Variants in CEP57 observed in about 807,000 individuals in gnomAD.
CEP57 encodes centrosomal protein 57, also known as centrosomal protein of 57 kDa.
A neutral mutation model predicts 68.0 loss-of-function variants in CEP57; 40 were observed. The observed-to-expected ratio is 0.59, with a 90% CI of 0.46 to 0.77. The LOEUF is 0.77. CEP57 is among the 30% of genes least tolerant of loss of function. The pLI, the probability that CEP57 is intolerant of heterozygous loss-of-function variation, is 0.00. For synonymous variants in CEP57, 219 were observed against 198.7 expected (o/e 1.10, Z -0.86); for missense variants, 606 against 580.7 (o/e 1.04, Z -0.45).
At chr11:95,806,582 C>G (rs888097574) in intron 2 of CEP57, among the ~76,000 whole-genome samples, 1 of 150,974 alleles carries the variant, frequency 6.6e-6, no homozygotes, top group African/African-American at 2.5e-5. Context: ...ATATCCTGTT[C>G]CTGGCTCTGA....
At chr11:95,791,948 A>G (rs1449752740) in intron 1 of CEP57, among the ~76,000 whole-genome samples, 1 of 152,190 alleles carries the variant, frequency 6.6e-6, no homozygotes, top group Non-Finnish European at 1.5e-5. Context: ...GGAAGGAACT[A>G]GAAGAGTATC....
At chr11:95,819,141 A>G (rs1163529167) in intron 6 of CEP57, among the ~76,000 whole-genome samples, 1 of 152,158 alleles carries the variant, frequency 6.6e-6, no homozygotes, top group Non-Finnish European at 1.5e-5. Flanking sequence ...ATTTTAAAAA[A>G]TAACAGACTA....
At chr11:95,815,502 A>C (rs1344023844) in intron 4 of CEP57, among the ~76,000 whole-genome samples, 1 of 141,526 alleles carries the variant, frequency 7.1e-6, no homozygotes, top group Non-Finnish European at 1.6e-5. Flanking sequence ...ATTCTCCCTT[A>C]TGGTATCTTT....
At chr11:95,804,761 T>A (rs1013595146) in intron 2 of CEP57, among the ~76,000 whole-genome samples, 2 of 152,164 alleles carry the variant, frequency 1.3e-5, no homozygotes, top group Non-Finnish European at 2.9e-5. Context: ...TAAATAAATA[T>A]GACATAGTAA....
chr11:95,794,122 C>T (rs1481232850), intron 1 of CEP57: 2 of 349,276 alleles, frequency 5.7e-6, no homozygotes, highest in Non-Finnish European at 1.1e-5. Context: ...AAAATAGTGC[C>T]ATTCTTTTCA....
chr11:95,802,505 A>G (rs1289907235), intron 2 of CEP57, among the ~76,000 whole-genome samples: 1 of 152,064 alleles, frequency 6.6e-6, no homozygotes, highest in East Asian at 1.9e-4. Context: ...CGCCCACCTC[A>G]GCCTCCCAAA....
Position 95,828,078 on chromosome 11 carries a change from T to G in CEP57, c.1127+51T>G, listed in dbSNP as rs770963329. ...TTCAGTTTAGCTCTAAAACCTCATT[T>G]TTTAAAAACTTGTTGACTTTATTAA... On this transcript the variant is annotated intron_variant, in intron 9 of 10. Coordinates refer to ENST00000325542, the MANE Select transcript of CEP57 (RefSeq NM_014679.5). The G allele has an allele frequency of 2.0e-5, 31 of 1,556,848 alleles. 1 individual carries two copies. Among genetic ancestry groups the G allele is most frequent in the Admixed American group, 3.9e-5 (2 of 51,716 alleles).
rs1225152553 is a variant in CEP57, at chr11:95,813,050, A to T, written c.321A>T (p.Val107=). 6.2e-7 allele frequency: 1 copy of T among 1,613,848 alleles called. No homozygotes were observed. Among genetic ancestry groups the T allele is most frequent in the Non-Finnish European group, 8.5e-7 (1 of 1,179,952 alleles). ...GAGAAACAATTGAATATAAGAAAGT[A>T]CTGGATGAACAGATACAAGAAAGGG... ...LSRETIEYKK[V]LDEQIQEREN... Residue 107 remains valine (V), a synonymous_variant, in exon 3 of 11, where the codon GTA becomes GTT. Transcript: ENST00000325542.
At chr11:95,824,983 C>T (rs572275623) in intron 8 of CEP57, among the ~76,000 whole-genome samples, 26 of 152,260 alleles carry the variant, frequency 1.7e-4, no homozygotes, top group South Asian at 1.5e-3. Flanking sequence ...AAGAGACTGC[C>T]TTTTAAAGTC....
chr11:95,830,910 T>G (rs1234246894), intron 10 of CEP57, 116 bp from the exon 11 acceptor site: 5 of 716,108 alleles, frequency 7.0e-6, no homozygotes, highest in African/African-American at 3.6e-5. Flanking sequence ...AATGTATTAT[T>G]TTTCAGTTAG....
In CEP57 at chr11:95,812,912, T is replaced by G. The variant is rs760665731; in HGVS notation, c.203-20T>G. On this transcript the variant is annotated intron_variant, in intron 2 of 10. Coordinates refer to ENST00000325542, the MANE Select transcript of CEP57 (RefSeq NM_014679.5). Reference sequence around the variant, plus strand: ...CGCATATGCTGTTACAGCATCCACGTTTGTGTTTGTATTTGGCAGCCATAT... The same window carrying G: ...CGCATATGCTGTTACAGCATCCACGGTTGTGTTTGTATTTGGCAGCCATAT... The G allele has an allele frequency of 1.2e-6, 2 of 1,611,034 alleles. No individual in the cohort carries two copies. The highest frequency in any genetic ancestry group is 1.1e-5 in the South Asian group (1 of 90,908).
intron 8 of CEP57, chr11:95,826,075 T>C (rs1862731566): frequency 6.6e-6 from 1 of 152,184 alleles, no homozygotes. Flanking sequence ...TTACACAGAA[T>C]GTGCTAGCCT....
intron 8 of CEP57, among the ~76,000 whole-genome samples, chr11:95,824,326 T>C (rs1246666889): frequency 6.6e-6 from 1 of 152,182 alleles, no homozygotes; most frequent in Non-Finnish European, 1.5e-5. Flanking sequence ...CTTGTGCTTT[T>C]TGCAAAATAG....
At chr11:95,830,193 T>A (rs1862942404) in intron 10 of CEP57, among the ~76,000 whole-genome samples, 3 of 152,242 alleles carry the variant, frequency 2.0e-5, no homozygotes, top group Admixed American at 1.3e-4. Flanking sequence ...ATGAGGTAGA[T>A]GCTAAGCCAC....
chr11:95,794,182 G>A, intron 1 of CEP57: 1 of 443,498 alleles, frequency 2.3e-6, no homozygotes, highest in Non-Finnish European at 4.5e-6. Flanking sequence ...GTTTGCAAGG[G>A]GCAACTCTAG....
intron 2 of CEP57, among the ~76,000 whole-genome samples, chr11:95,800,925 G>T (rs1285699263): frequency 6.6e-6 from 1 of 152,202 alleles, no homozygotes; most frequent in Non-Finnish European, 1.5e-5. Flanking sequence ...TATTTGGGAT[G>T]CTGTGGCATT....
In CEP57 at chr11:95,817,828, T is replaced by G. The variant is rs1409794288; in HGVS notation, c.546T>G (p.Val182=). The change falls in exon 5 of 11, where the codon GTT becomes GTG. Residue 182 remains valine (V), a synonymous_variant. Transcript: ENST00000325542. ...ERERQHDQTH[V]QSQLEKLDLL... ...AACGACAACATGATCAAACACATGT[T>G]CAGAGCCAACTTGAAAAATTGGATC... 1 of 1,613,924 alleles carries G rather than the reference T, an allele frequency of 6.2e-7. No individual in the cohort carries two copies. The highest frequency in any genetic ancestry group is 1.3e-5 in the African/African-American group (1 of 74,930).
rs1861480422 is a variant in CEP57 at position 95,799,389 on chromosome 11, G to A, written c.202+1G>A. ...GCCTATCCAGAAAGCAACAGCAGAGGTAATCGAGCCTAACGAAATAAATGT... is the reference window on the plus strand; with the variant it reads ...GCCTATCCAGAAAGCAACAGCAGAGATAATCGAGCCTAACGAAATAAATGT... On this transcript the variant is annotated splice_donor_variant, in intron 2 of 10. Coordinates refer to ENST00000325542, the MANE Select transcript of CEP57 (RefSeq NM_014679.5). LOFTEE classifies it high-confidence loss of function. 2 of 1,613,734 alleles carry A rather than the reference G, an allele frequency of 1.2e-6. No homozygotes were observed. The highest frequency in any genetic ancestry group is 1.3e-5 in the African/African-American group (1 of 74,912).
At chr11:95,815,057 T>C (rs1317989445) in intron 4 of CEP57, 2 of 152,256 alleles carry the variant, frequency 1.3e-5, no homozygotes, top group Non-Finnish European at 2.9e-5. Context: ...AGAATCTGTG[T>C]ATGTTTAGTA....
Sources: allele counts gnomAD v4.1 joint callset (sites outside exome capture counted in the v4.1 genomes callset), GRCh38; gene constraint gnomAD v4.1.1; transcripts MANE v1.5; gene names NCBI Gene and HGNC (gene_info 2026-07-23, HGNC 2026-07-21).